Variants in UGGT2 observed in about 807,000 individuals in gnomAD.
UGGT2 encodes the protein UDP-glucose:glycoprotein glucosyltransferase 2.
Under a neutral mutation model 192.1 loss-of-function variants are expected in UGGT2, and 180 were observed. The ratio of observed to expected loss-of-function variants is 0.94; its 90% CI spans 0.83 to 1.06. UGGT2 has a LOEUF of 1.06. Among genes scored for constraint, UGGT2 ranks in the 50% least tolerant of loss-of-function variants. The probability of loss-of-function intolerance (pLI) is 0.00; values close to 1 mark genes in which losing one functional copy is unlikely to be tolerated. For missense variants in UGGT2, 1,849 were observed against 1,795.7 expected, an observed-to-expected ratio of 1.03 and a Z score of -0.54; for synonymous variants, 580 against 591.0, an observed-to-expected ratio of 0.98 and a Z score of 0.27.
At chr13:95,931,391 C>A (rs2049259409) in intron 17 of UGGT2, among the ~76,000 whole-genome samples, 1 of 152,182 alleles carries the variant, frequency 6.6e-6, no homozygotes, top group East Asian at 1.9e-4. Context: ...GGATCCCACA[C>A]CTGGGCCGCA....
rs372276437 is a variant in UGGT2 at position 95,972,692 on chromosome 13, T to C, written c.1093-21A>G. The stretch of plus-strand genomic sequence containing the variant: ...AGATCCTTGAAGTAGAGCAAAGCAA[T>C]AGTTAACCAGTGATAGAACAATAGT... On this transcript the variant is annotated intron_variant, in intron 10 of 38. Coordinates refer to ENST00000376747, the MANE Select transcript of UGGT2 (RefSeq NM_020121.4). 57 of 1,579,060 alleles carry C rather than the reference T, an allele frequency of 3.6e-5. No individual in the cohort carries two copies. The African/African-American group carries it at 6.2e-4, about 17-fold the overall frequency.
At chr13:95,937,520 C>T (rs1480169201) in intron 16 of UGGT2, among the ~76,000 whole-genome samples, 1 of 152,144 alleles carries the variant, frequency 6.6e-6, no homozygotes, top group Non-Finnish European at 1.5e-5. Context: ...CTTATTTATC[C>T]CTGTATTTAT....
intron 20 of UGGT2, among the ~76,000 whole-genome samples, chr13:95,912,450 AAG>A (rs1188035556): frequency 7.6e-6 from 1 of 131,708 alleles, no homozygotes; most frequent in Admixed American, 7.0e-5. Flanking sequence ...TTAACAGACA[AAG>A]AGAGAGCCAA....
chr13:95,917,552 A>G (rs1468677574), intron 20 of UGGT2, among the ~76,000 whole-genome samples: 2 of 152,216 alleles, frequency 1.3e-5, no homozygotes, highest in Admixed American at 6.5e-5. Context: ...TATCAAATTC[A>G]CACATAACAA....
At chr13:95,910,027 A>C (rs949149481) in intron 20 of UGGT2, among the ~76,000 whole-genome samples, 3 of 152,262 alleles carry the variant, frequency 2.0e-5, no homozygotes, top group South Asian at 4.1e-4. Flanking sequence ...AATCCTTTAC[A>C]GACAAGCAAA....
chr13:95,995,063 C>G (rs1174745909), intron 7 of UGGT2, among the ~76,000 whole-genome samples: 1 of 151,846 alleles, frequency 6.6e-6, no homozygotes, highest in Admixed American at 6.6e-5. Context: ...ACAGTTGTAT[C>G]TAATGAAAAA....
intron 38 of UGGT2, among the ~76,000 whole-genome samples, chr13:95,821,223 C>T (rs1485851110): frequency 6.6e-6 from 1 of 152,046 alleles, no homozygotes; most frequent in Non-Finnish European, 1.5e-5. Context: ...AAAAGTGTTC[C>T]CTTTTCACCA....
Position 95,986,273 on chromosome 13 carries a change from A to G in UGGT2, c.1031+60T>C, listed in dbSNP as rs1170479410. ...ATGTTAAATGAAATCAGCTATTTTC[A>G]TAAAACTCATTTAATAGAAAGAGTT... On this transcript the variant is annotated intron_variant, in intron 9 of 38. Coordinates refer to ENST00000376747, the MANE Select transcript of UGGT2 (RefSeq NM_020121.4). 1.2e-5 allele frequency: 15 copies of G among 1,208,336 alleles called. No individual in the cohort carries two copies. The South Asian group carries it at 1.8e-4, about 15-fold the overall frequency. 74.9% of individuals were successfully genotyped at this position (1,208,336 alleles called of 1,614,324 possible).
chr13:96,035,098 A>G (rs1156783744), intron 1 of UGGT2, among the ~76,000 whole-genome samples: 1 of 152,208 alleles, frequency 6.6e-6, no homozygotes, highest in African/African-American at 2.4e-5. Context: ...AAAGAGCCCA[A>G]ATAGCCAAGA....
intron 12 of UGGT2, among the ~76,000 whole-genome samples, chr13:95,969,857 T>C (rs1040445326): frequency 1.3e-5 from 2 of 152,236 alleles, no homozygotes; most frequent in African/African-American, 4.8e-5. Flanking sequence ...ATGTGGTTAT[T>C]CTGTTGTTAT....
chr13:95,997,516 G>A (rs1219823397), intron 6 of UGGT2, among the ~76,000 whole-genome samples: 4 of 151,972 alleles, frequency 2.6e-5, no homozygotes, highest in South Asian at 2.1e-4. Context: ...GGTGGCAGGC[G>A]CGTGTAATCC....
At chr13:96,015,249 G>A (rs1333068003) in intron 4 of UGGT2, among the ~76,000 whole-genome samples, 2 of 146,882 alleles carry the variant, frequency 1.4e-5, no homozygotes, top group African/African-American at 5.0e-5. Context: ...CTGCACTCCA[G>A]TCTGGGCAAC....
chr13:95,962,484 A>G (rs2050429873), intron 12 of UGGT2, among the ~76,000 whole-genome samples: 1 of 152,216 alleles, frequency 6.6e-6, no homozygotes, highest in Non-Finnish European at 1.5e-5. Flanking sequence ...CAACACACCA[A>G]GACTGAATTA....
At chr13:95,975,867 T>A (rs9670470) in intron 10 of UGGT2, among the ~76,000 whole-genome samples, 2 of 151,922 alleles carry the variant, frequency 1.3e-5, no homozygotes, top group Non-Finnish European at 2.9e-5. Flanking sequence ...TTTATGGAGA[T>A]CTTGTGATAT....
intron 36 of UGGT2, among the ~76,000 whole-genome samples, chr13:95,838,252 T>C (rs1376352430): frequency 6.6e-6 from 1 of 152,148 alleles, no homozygotes; most frequent in Non-Finnish European, 1.5e-5. Flanking sequence ...TAATAAAATA[T>C]GTTCCTCAAC....
In UGGT2 at chr13:95,999,305, T is replaced by G. The variant is rs538261686; in HGVS notation, c.663A>C (p.Lys221Asn). The change falls in exon 6 of 39, where the codon AAA becomes AAC. Residue 221 changes from lysine (K) to asparagine (N), a missense_variant and splice_region_variant. Coordinates refer to ENST00000376747, the MANE Select transcript of UGGT2 (RefSeq NM_020121.4). ...ILYVLRHYIQ[K>N]PSSRKMYLSG... ...ATAAGTACATTTTCCGTGAGCTTGG[T>G]TTCTGTTCAAACACATTTATTTTAT... 1 of 1,613,342 alleles carries G rather than the reference T, an allele frequency of 6.2e-7. No homozygotes were observed. Among genetic ancestry groups the G allele is most frequent in the South Asian group, 1.1e-5 (1 of 91,010 alleles).
At chr13:95,919,606 G>A in intron 20 of UGGT2, among the ~76,000 whole-genome samples, 1 of 151,806 alleles carries the variant, frequency 6.6e-6, no homozygotes, top group East Asian at 1.9e-4. Flanking sequence ...ATTCACAATT[G>A]CTACAAAATG....
chr13:96,040,223 C>T (rs1246440473), intron 1 of UGGT2, among the ~76,000 whole-genome samples: 1 of 152,184 alleles, frequency 6.6e-6, no homozygotes, highest in African/African-American at 2.4e-5. Context: ...GAAACTTATT[C>T]TCTCACAATT....
intron 5 of UGGT2, among the ~76,000 whole-genome samples, chr13:95,999,796 A>G (rs1220699853): frequency 6.6e-6 from 1 of 152,176 alleles, no homozygotes; most frequent in Non-Finnish European, 1.5e-5. Flanking sequence ...GTGCCGTGAA[A>G]TACCTGATAA....
Sources: allele counts gnomAD v4.1 joint callset (sites outside exome capture counted in the v4.1 genomes callset), GRCh38; gene constraint gnomAD v4.1.1; transcripts MANE v1.5; gene names NCBI Gene and HGNC (gene_info 2026-07-23, HGNC 2026-07-21).